The following POLR2D variants were observed in gnomAD, a reference collection of about 807,000 sequenced individuals.
POLR2D encodes DNA-directed RNA polymerase II subunit RPB4.
A neutral mutation model predicts 17.6 loss-of-function variants in POLR2D; 10 were observed. The observed-to-expected ratio is 0.57, with a 90% CI of 0.35 to 0.96. The LOEUF is 0.96. POLR2D is among the 40% of genes least tolerant of loss of function. The pLI, the probability that POLR2D is intolerant of heterozygous loss-of-function variation, is 0.02. For synonymous variants in POLR2D, 52 were observed against 60.2 expected, an observed-to-expected ratio of 0.86 and a Z score of 0.63; for missense variants, 126 against 176.4, an observed-to-expected ratio of 0.71 and a Z score of 1.62.
rs1690136927 is a variant in POLR2D, at chr2:127,845,381, T to TTTG, written c.*2725_*2726insCAA. Reference sequence around the variant, plus strand: ...TTGGGTAAGCAATTTCACTTTTTTTTTTTTTTTTTTTTTGAGACAGTTTCG... The same window carrying TTTG: ...TTGGGTAAGCAATTTCACTTTTTTTTTTGTTTTTTTTTTTTTGAGACAGTTTCG... On this transcript the variant is annotated 3_prime_UTR_variant, in exon 4 of 4. Transcript: ENST00000272645. 7.9e-6 allele frequency: 1 copy of TTTG among 125,838 alleles called. No individual in the cohort carries two copies. The highest frequency in any genetic ancestry group is 3.5e-4 in the South Asian group (1 of 2,868). 7.8% of individuals were successfully genotyped at this position (125,838 alleles called of 1,614,324 possible). A position where few individuals can be genotyped will look rare whatever the true frequency, so the allele number is the denominator to read the frequency against.
chr2:127,856,363 G>T (rs971354726), intron 1 of POLR2D, among the ~76,000 whole-genome samples: 1 of 146,714 alleles, frequency 6.8e-6, no homozygotes, highest in Non-Finnish European at 1.5e-5. Flanking sequence ...GCCAAGGTGG[G>T]TGGATCACTT....
rs917145823 is a variant in POLR2D at position 127,855,794 on chromosome 2, C to T, written c.73+2234G>A. Among the ~76,000 whole-genome samples the T allele has an allele frequency of 5.2e-5, 7 of 133,806 alleles. 1 individual carries two copies. In the South Asian group the frequency reaches 6.9e-4, roughly 13 times the overall value. The allele number at this position is 133,806 out of a possible 152,430, so 87.8% of individuals were successfully genotyped here. On this transcript the variant is annotated intron_variant, in intron 1 of 3. Transcript: ENST00000272645. The stretch of plus-strand genomic sequence containing the variant: ...ATTTTCAAGTGAAGGCGCGCACACG[C>T]GCGCACATACACACACACACACACA...
chr2:127,856,290 C>CAAAAAAA lies in POLR2D; in HGVS notation c.73+1731_73+1737dup, dbSNP rs61249327. 1.3e-3 allele frequency among the ~76,000 whole-genome samples: 34 copies of CAAAAAAA among 25,402 alleles called. 5 individuals are homozygous for CAAAAAAA. Among genetic ancestry groups the CAAAAAAA allele is most frequent in the South Asian group, 5.7e-3 (2 of 350 alleles). 16.7% of individuals were successfully genotyped at this position (25,402 alleles called of 152,430 possible). On this transcript the variant is annotated intron_variant, in intron 1 of 3. Coordinates refer to ENST00000272645, the MANE Select transcript of POLR2D (RefSeq NM_004805.4). ...TAGGTAGCAGAATGAGATCCCGTCTCAAAAAAAAAAAAAAAAAAAGGCAGG... is the reference window on the plus strand; with the variant it reads ...TAGGTAGCAGAATGAGATCCCGTCTCAAAAAAAAAAAAAAAAAAAAAAAAAAGGCAGG...
chr2:127,852,995 T>G lies in POLR2D; in HGVS notation c.184A>C (p.Met62Leu). The G allele has an allele frequency of 1.2e-6, 2 of 1,614,072 alleles. No individual in the cohort carries two copies. The highest frequency in any genetic ancestry group is 1.7e-5 in the Admixed American group (1 of 60,030). ...CGGGCTGTGTAGTTTAATGTTTTCA[T>G]GAAGACTTCTGAGAGCTCCTGTTCG... ...EDEQELSEVF[M>L]KTLNYTARFS... is the part of the protein sequence containing the mutation. The change falls in exon 2 of 4, where the codon ATG becomes CTG. Residue 62 changes from methionine (M) to leucine (L), a missense_variant. Physicochemically the swap from Met to Leu is conservative, Grantham distance 15 (BLOSUM62 2). Coordinates refer to ENST00000272645, the MANE Select transcript of POLR2D (RefSeq NM_004805.4). The surrounding 1 kb of genome is among the most constrained non-coding windows in gnomAD (Gnocchi z 4.0).
At position 127,853,559 on chromosome 2, in the gene POLR2D, A is replaced by T. The variant is rs530730599; in HGVS notation, c.74-454T>A. On this transcript the variant is annotated intron_variant, in intron 1 of 3. Transcript: ENST00000272645. ...GCAAAAGATATGATTTCGTTCTTTTATTTTTTTTTTTGAGACAGAGTCTCA... is the reference window on the plus strand; with the variant it reads ...GCAAAAGATATGATTTCGTTCTTTTTTTTTTTTTTTTGAGACAGAGTCTCA... 3.8e-3 allele frequency among the ~76,000 whole-genome samples: 562 copies of T among 148,946 alleles called. 4 individuals are homozygous for T. The highest frequency in any genetic ancestry group is 0.013 in the African/African-American group (525 of 40,626).
chr2:127,855,897 C>T (rs1218499707), intron 1 of POLR2D, among the ~76,000 whole-genome samples: 1 of 152,170 alleles, frequency 6.6e-6, no homozygotes, highest in Non-Finnish European at 1.5e-5. Context: ...ATTTTAAGAA[C>T]AATGGCCATA....
At chr2:127,856,342 A>C (rs908634619) in intron 1 of POLR2D, among the ~76,000 whole-genome samples, 1 of 136,370 alleles carries the variant, frequency 7.3e-6, no homozygotes, top group African/African-American at 2.7e-5. Flanking sequence ...CTGTAATCTC[A>C]GCACTGGGAG....
rs1264000064 is a variant in POLR2D at position 127,844,794 on chromosome 2, CA to C, written c.*3312del. The stretch of plus-strand genomic sequence containing the variant: ...TCAGCTTCCCAAGTAGCTAGGATTA[CA>C]GGTGCCCGCCACCACACGTGGCCAA... On this transcript the variant is annotated 3_prime_UTR_variant, in exon 4 of 4. Transcript: ENST00000272645. The C allele has an allele frequency of 1.5e-4, 23 of 152,316 alleles. No homozygotes were observed. The highest frequency in any genetic ancestry group is 5.5e-4 in the African/African-American group (23 of 41,546). 9.4% of individuals were successfully genotyped at this position (152,316 alleles called of 1,614,324 possible). A position where few individuals can be genotyped will look rare whatever the true frequency, so the allele number is the denominator to read the frequency against.
At chr2:127,856,213 T>C (rs561149519) in intron 1 of POLR2D, among the ~76,000 whole-genome samples, 1 of 142,176 alleles carries the variant, frequency 7.0e-6, no homozygotes, top group Non-Finnish European at 1.5e-5. Flanking sequence ...AACCTGAGCC[T>C]AGGGAAGGTT....
At chr2:127,855,582 G>A (rs3771290) in intron 1 of POLR2D, among the ~76,000 whole-genome samples, 83,126 of 151,930 alleles carry the variant, frequency 0.55, 23,379 homozygotes, top group South Asian at 0.72. Context: ...AAGGAAGGTC[G>A]AGGCAGCCAA....
intron 1 of POLR2D, 46 bp downstream of exon 1, chr2:127,857,982 G>A (rs1481524858): frequency 6.4e-7 from 1 of 1,567,336 alleles, no homozygotes; most frequent in Non-Finnish European, 8.6e-7. Flanking sequence ...GGCCTGCGGC[G>A]ACCACGCGAA....
At chr2:127,849,562 A>C (rs1690213282) in intron 3 of POLR2D, among the ~76,000 whole-genome samples, 2 of 152,242 alleles carry the variant, frequency 1.3e-5, no homozygotes, top group Admixed American at 6.5e-5. Flanking sequence ...AAGAAATGGC[A>C]TCATACTGTA....
chr2:127,856,232 AGT>A (rs1690325913), intron 1 of POLR2D, among the ~76,000 whole-genome samples: 1 of 142,264 alleles, frequency 7.0e-6, no homozygotes, highest in Middle Eastern at 3.8e-3. Context: ...TTGAGGCTGC[AGT>A]GAGCTGTGAT....
Position 127,843,833 on chromosome 2 carries a change from G to A in POLR2D, c.*4274C>T, listed in dbSNP as rs1430763984. The A allele has an allele frequency of 2.6e-5, 4 of 153,594 alleles. No homozygotes were observed. The highest frequency in any genetic ancestry group is 4.4e-5 in the Non-Finnish European group (3 of 68,022). 9.5% of individuals were successfully genotyped at this position (153,594 alleles called of 1,614,324 possible). ...CCTTATAAAAGAGGCTGCGGGCTGG[G>A]TGCAGTGACTCATGCCTCTAATCTC... On this transcript the variant is annotated 3_prime_UTR_variant, in exon 4 of 4. Coordinates refer to ENST00000272645, the MANE Select transcript of POLR2D (RefSeq NM_004805.4).
chr2:127,856,363 G>A (rs971354726), intron 1 of POLR2D, among the ~76,000 whole-genome samples: 15 of 146,714 alleles, frequency 1.0e-4, no homozygotes, highest in Admixed American at 3.6e-4. Flanking sequence ...GCCAAGGTGG[G>A]TGGATCACTT....
In POLR2D at chr2:127,852,866, C is replaced by T. The variant is rs528370761; in HGVS notation, c.254+59G>A. The T allele has an allele frequency of 3.5e-6, 4 of 1,157,558 alleles. No individual in the cohort carries two copies. Among genetic ancestry groups the T allele is most frequent in the African/African-American group, 1.5e-5 (1 of 65,148 alleles). The allele number at this position is 1,157,558 out of a possible 1,614,324, so 71.7% of individuals were successfully genotyped here. A position where few individuals can be genotyped will look rare whatever the true frequency, so the allele number is the denominator to read the frequency against. On this transcript the variant is annotated intron_variant, in intron 2 of 3. Transcript: ENST00000272645. The surrounding 1 kb of genome is among the most constrained non-coding windows in gnomAD (Gnocchi z 4.0). ...CACCTGGGAAAGGGGGAGGGGACAG[C>T]ATTCTACATGCAGTTGTCCAATGGT...
intron 1 of POLR2D, among the ~76,000 whole-genome samples, chr2:127,853,627 A>T (rs944753676): frequency 9.2e-5 from 14 of 152,032 alleles, no homozygotes; most frequent in Admixed American, 8.5e-4. Flanking sequence ...AATACAATTC[A>T]CTGCAGCCTT....
chr2:127,853,573 G>C (rs951224229), intron 1 of POLR2D, among the ~76,000 whole-genome samples: 1 of 150,858 alleles, frequency 6.6e-6, no homozygotes, highest in South Asian at 2.1e-4. Flanking sequence ...TTTTTTTTGA[G>C]ACAGAGTCTC....
At chr2:127,850,211 C>T (rs570784524) in intron 3 of POLR2D, among the ~76,000 whole-genome samples, 48 of 151,920 alleles carry the variant, frequency 3.2e-4, no homozygotes, top group Non-Finnish European at 4.7e-4. Context: ...GAGGCCGAGG[C>T]GGGTGGATCA....
Sources: gnomAD v4.1 joint callset for allele counts (sites outside exome capture counted in the v4.1 genomes callset) on GRCh38, gnomAD v4.1.1 for gene constraint, Gnocchi (gnomAD v3.1) non-coding constraint, MANE v1.5 for transcripts, NCBI Gene and HGNC (gene_info 2026-07-23, HGNC 2026-07-21) for gene names.